PPM1A: variants seen among roughly 807,000 people sequenced by gnomAD.
PPM1A encodes protein phosphatase, Mg2+/Mn2+ dependent 1A.
A neutral mutation model predicts 35.0 loss-of-function variants in PPM1A; 7 were observed. The observed-to-expected ratio is 0.20, with a 90% confidence interval of 0.11 to 0.38. The LOEUF (loss-of-function observed/expected upper bound fraction) is 0.38. PPM1A is among the 10% of genes least tolerant of loss of function. The pLI is 1.00. For missense variants in PPM1A, 239 were observed against 467.8 expected, an observed-to-expected ratio of 0.51 and a Z score of 4.51; for synonymous variants, 153 against 167.3, an observed-to-expected ratio of 0.91 and a Z score of 0.66.
intron 1 of PPM1A, among the ~76,000 whole-genome samples, chr14:60,272,582 G>A (rs1317495297): frequency 6.6e-6 from 1 of 151,328 alleles, no homozygotes; most frequent in Admixed American, 6.6e-5. Context: ...GGTGGCACAT[G>A]CCTGTAATCC....
At chr14:60,279,578 A>G (rs1171173436) in intron 1 of PPM1A, among the ~76,000 whole-genome samples, 1 of 152,186 alleles carries the variant, frequency 6.6e-6, no homozygotes, top group Admixed American at 6.5e-5. Flanking sequence ...GCTTAAGTGT[A>G]TCTTCAACTT....
rs538553207 is a variant in PPM1A, at chr14:60,291,757, T to G, written c.1119+303T>G. Among the ~76,000 whole-genome samples the G allele has an allele frequency of 4.0e-4, 61 of 151,900 alleles. 4 individuals are homozygous for G. In the East Asian group the frequency reaches 0.011, roughly 28 times the overall value. On this transcript the variant is annotated intron_variant, in intron 5 of 5. Transcript: ENST00000395076. The stretch of plus-strand genomic sequence containing the variant: ...GTTTGCCTCCACTACATGGTTTTTT[T>G]TTTTTTTTTTTCCCGAAGTTGGGAC...
At position 60,298,303 on chromosome 14, in the gene PPM1A, A is replaced by C. The variant is rs948403727; in HGVS notation, c.*5821A>C. 6.6e-6 allele frequency: 1 copy of C among 151,656 alleles called. No homozygotes were observed. The highest frequency in any genetic ancestry group is 2.4e-5 in the African/African-American group (1 of 41,386). 9.4% of individuals were successfully genotyped at this position (151,656 alleles called of 1,614,324 possible). A position where few individuals can be genotyped will look rare whatever the true frequency, so the allele number is the denominator to read the frequency against. Reference sequence around the variant, plus strand: ...CAGATCTCCAGGTTTTAAGATTTTGAGCTTTCTAGTATTAGGATTCATTAA... The same window carrying C: ...CAGATCTCCAGGTTTTAAGATTTTGCGCTTTCTAGTATTAGGATTCATTAA... On this transcript the variant is annotated 3_prime_UTR_variant, in exon 6 of 6. Coordinates refer to ENST00000395076, the MANE Select transcript of PPM1A (RefSeq NM_021003.5).
chr14:60,270,280 A>G (rs1031614900), intron 1 of PPM1A, among the ~76,000 whole-genome samples: 1 of 151,900 alleles, frequency 6.6e-6, no homozygotes, highest in Non-Finnish European at 1.5e-5. Flanking sequence ...AGCTCTGTTG[A>G]TACTTTTTAT....
intron 1 of PPM1A, among the ~76,000 whole-genome samples, chr14:60,281,402 T>C (rs1886394845): frequency 6.6e-6 from 1 of 152,164 alleles, no homozygotes; most frequent in African/African-American, 2.4e-5. Flanking sequence ...AACAAATGTT[T>C]TTCTTTCCTT....
At chr14:60,274,613 C>A (rs1011116954) in intron 1 of PPM1A, among the ~76,000 whole-genome samples, 2 of 142,670 alleles carry the variant, frequency 1.4e-5, no homozygotes, top group African/African-American at 5.5e-5. Flanking sequence ...AGTGAGAGGA[C>A]AGAGTCCTAT....
intron 1 of PPM1A, among the ~76,000 whole-genome samples, chr14:60,251,420 A>AG (rs1263902173): frequency 6.6e-6 from 1 of 152,090 alleles, no homozygotes; most frequent in African/African-American, 2.4e-5. Context: ...TTTTTACATG[A>AG]GGGGCTGAGG....
chr14:60,256,706 G>A (rs1486161365), intron 1 of PPM1A: 1 of 152,180 alleles, frequency 6.6e-6, no homozygotes, highest in African/African-American at 2.4e-5. Context: ...AGCCCTATGA[G>A]CTAGATACTG....
chr14:60,247,364 T>A (rs60610663), upstream of PPM1A, among the ~76,000 whole-genome samples: 52,877 of 151,898 alleles, frequency 0.35, 10,002 homozygotes, highest in African/African-American at 0.5. Context: ...GAACAGTGGC[T>A]CACGACTGTA....
chr14:60,252,375 C>T (rs1240224381), intron 1 of PPM1A, among the ~76,000 whole-genome samples: 1 of 152,304 alleles, frequency 6.6e-6, no homozygotes, highest in African/African-American at 2.4e-5. Flanking sequence ...GGGCACCTGA[C>T]TCTGAGTCAG....
At chr14:60,288,435 G>A (rs1887267346) in intron 3 of PPM1A, 3 of 984,406 alleles carry the variant, frequency 3.0e-6, no homozygotes, top group Non-Finnish European at 3.6e-6. Context: ...GTGAAATTGT[G>A]CAGTTTAGGT....
intron 1 of PPM1A, among the ~76,000 whole-genome samples, chr14:60,262,792 G>C (rs1883903773): frequency 6.6e-6 from 1 of 152,210 alleles, no homozygotes; most frequent in African/African-American, 2.4e-5. Context: ...GAGAACAGAA[G>C]AGTATTTGTT....
intron 1 of PPM1A, among the ~76,000 whole-genome samples, chr14:60,257,859 C>T (rs1883314014): frequency 6.6e-6 from 1 of 151,976 alleles, no homozygotes; most frequent in Admixed American, 6.6e-5. Flanking sequence ...CATAACTTAC[C>T]AGGCTTTAGA....
chr14:60,247,721 A>C (rs746230366), upstream of PPM1A, among the ~76,000 whole-genome samples: 6 of 151,924 alleles, frequency 3.9e-5, no homozygotes, highest in Non-Finnish European at 8.8e-5. Flanking sequence ...TTACAACTTT[A>C]AAAGCAGCAG....
At chr14:60,263,547 G>T (rs1884022103) in intron 1 of PPM1A, among the ~76,000 whole-genome samples, 1 of 151,958 alleles carries the variant, frequency 6.6e-6, no homozygotes, top group African/African-American at 2.4e-5. Flanking sequence ...CTTCAAAGGT[G>T]TGCATATGCT....
intron 2 of PPM1A, among the ~76,000 whole-genome samples, chr14:60,284,558 C>T (rs544037148): frequency 6.7e-6 from 1 of 150,166 alleles, no homozygotes; most frequent in Non-Finnish European, 1.5e-5. Flanking sequence ...AGGAGAATGG[C>T]GTGAACCCGG....
chr14:60,288,362 A>T lies in PPM1A; in HGVS notation c.953-1444A>T, dbSNP rs141186436. On this transcript the variant is annotated intron_variant, in intron 3 of 5. Transcript: ENST00000395076. Reference sequence around the variant, plus strand: ...GTGTTTATTTCTATTGTATCTAGTTATCTATCCAAATAATTGTATTGGCTT... The same window carrying T: ...GTGTTTATTTCTATTGTATCTAGTTTTCTATCCAAATAATTGTATTGGCTT... 18 of 978,270 alleles carry T rather than the reference A, an allele frequency of 1.8e-5. No homozygotes were observed. In the African/African-American group the frequency reaches 3.0e-4, roughly 16 times the overall value. The allele number at this position is 978,270 out of a possible 1,614,324, so 60.6% of individuals were successfully genotyped here.
At chr14:60,275,282 G>A (rs981083766) in intron 1 of PPM1A, among the ~76,000 whole-genome samples, 11 of 151,638 alleles carry the variant, frequency 7.3e-5, no homozygotes, top group Admixed American at 3.9e-4. Context: ...GCACATGTAG[G>A]AGAATTGGAG....
chr14:60,255,163 T>G (rs972614160), intron 1 of PPM1A, among the ~76,000 whole-genome samples: 28 of 107,072 alleles, frequency 2.6e-4, no homozygotes, highest in Non-Finnish European at 3.2e-4. Context: ...TCATATGTTT[T>G]TTTTTTTTTT....
Sources: gnomAD v4.1 joint callset for allele counts (sites outside exome capture counted in the v4.1 genomes callset) on GRCh38, gnomAD v4.1.1 for gene constraint, MANE v1.5 for transcripts, NCBI Gene and HGNC (gene_info 2026-07-23, HGNC 2026-07-21) for gene names.